Variants in CADPS observed in about 807,000 individuals in gnomAD.
CADPS encodes the protein calcium-dependent secretion activator 1.
CADPS carries 57 observed loss-of-function variants against 167.3 expected under a neutral mutation model. The observed-to-expected ratio is 0.34, with a 90% CI of 0.28 to 0.42. CADPS has a LOEUF of 0.42. Ranked by LOEUF, CADPS falls within the 20% of genes least tolerant of loss-of-function variation. CADPS has a pLI of 1.00. For synonymous variants in CADPS, 676 were observed against 635.3 expected (o/e 1.06, Z -0.96); for missense variants, 1,414 against 1,738.1 (o/e 0.81, Z 3.32).
intron 3 of CADPS, among the ~76,000 whole-genome samples, chr3:62,748,875 T>G (rs979634178): frequency 7.9e-5 from 12 of 152,208 alleles, no homozygotes; most frequent in African/African-American, 2.2e-4. Context: ...ACCCAGCTAG[T>G]TTTTAAATTT....
intron 26 of CADPS, among the ~76,000 whole-genome samples, chr3:62,457,132 G>A (rs79158673): frequency 0.01 from 1,585 of 152,242 alleles, 13 homozygotes; most frequent in Non-Finnish European, 0.016. Flanking sequence ...TTTGTGCTCA[G>A]TGATAGAACT....
intron 3 of CADPS, among the ~76,000 whole-genome samples, chr3:62,688,120 C>G (rs1396560040): frequency 1.3e-5 from 2 of 152,020 alleles, no homozygotes; most frequent in Non-Finnish European, 2.9e-5. Context: ...TCCATTGCAG[C>G]ACTACTAGCA....
At chr3:62,520,568 G>A (rs187668210) in intron 13 of CADPS, among the ~76,000 whole-genome samples, 273 of 152,196 alleles carry the variant, frequency 1.8e-3, no homozygotes, top group Middle Eastern at 6.8e-3. Flanking sequence ...CTATGTCAGC[G>A]CGACAACTTT....
chr3:62,689,933 C>T (rs906434800), intron 3 of CADPS, among the ~76,000 whole-genome samples: 1 of 151,920 alleles, frequency 6.6e-6, no homozygotes, highest in African/African-American at 2.4e-5. Flanking sequence ...GATCCCATGG[C>T]AAGTTCAGCA....
intron 1 of CADPS, among the ~76,000 whole-genome samples, chr3:62,855,035 A>G (rs113601479): frequency 0.024 from 3,464 of 146,632 alleles, 54 homozygotes; most frequent in East Asian, 0.071. Context: ...AGCAATTCCC[A>G]TGCCTCAGCC....
At position 62,528,315 on chromosome 3, in the gene CADPS, G is replaced by A. The variant is rs1420753591; in HGVS notation, c.2291+4556C>T. Among the ~76,000 whole-genome samples the A allele has an allele frequency of 3.9e-5, 6 of 152,272 alleles. No homozygotes were observed. The East Asian group carries it at 7.7e-4, about 20-fold the overall frequency. ...CAGGCAAGTGACTGAATTTATGCGA[G>A]CCTCAAGCACTCATCTATTGGGTGA... On this transcript the variant is annotated intron_variant, in intron 13 of 29. Transcript: ENST00000383710.
chr3:62,730,270 G>T (rs2077519720), intron 3 of CADPS, among the ~76,000 whole-genome samples: 1 of 152,160 alleles, frequency 6.6e-6, no homozygotes, highest in African/African-American at 2.4e-5. Flanking sequence ...TCCTGGGGAT[G>T]TGTGACAATG....
At chr3:62,631,415 C>T (rs1358619670) in intron 6 of CADPS, among the ~76,000 whole-genome samples, 2 of 152,146 alleles carry the variant, frequency 1.3e-5, no homozygotes, top group Non-Finnish European at 2.9e-5. Flanking sequence ...GTTACTAGTT[C>T]CTGTGAAAGA....
At chr3:62,651,899 T>G (rs1238360027) in intron 4 of CADPS, among the ~76,000 whole-genome samples, 1 of 152,142 alleles carries the variant, frequency 6.6e-6, no homozygotes, top group African/African-American at 2.4e-5. Context: ...TTTGACATTT[T>G]TATTTTTTTT....
intron 24 of CADPS, among the ~76,000 whole-genome samples, chr3:62,471,689 C>A: frequency 6.6e-6 from 1 of 152,092 alleles, no homozygotes; most frequent in Non-Finnish European, 1.5e-5. Context: ...GTTGTATCAA[C>A]CCTTCTGCAC....
At chr3:62,437,601 C>T (rs958141699) in intron 28 of CADPS, among the ~76,000 whole-genome samples, 1 of 152,016 alleles carries the variant, frequency 6.6e-6, no homozygotes, top group African/African-American at 2.4e-5. Flanking sequence ...TTTGCCAAAA[C>T]CCAGGGTAAG....
intron 17 of CADPS, among the ~76,000 whole-genome samples, chr3:62,506,359 G>C (rs1365290929): frequency 6.6e-6 from 1 of 152,178 alleles, no homozygotes; most frequent in African/African-American, 2.4e-5. Flanking sequence ...CTGCACTCCA[G>C]CCTGGGTGAC....
intron 8 of CADPS, among the ~76,000 whole-genome samples, chr3:62,571,441 CCTT>C (rs563644281): frequency 6.6e-6 from 1 of 152,244 alleles, no homozygotes; most frequent in South Asian, 2.1e-4. Flanking sequence ...CTTCCTTCCT[CCTT>C]CTCCAAAAGC....
At chr3:62,629,671 A>T (rs833669) in intron 6 of CADPS, among the ~76,000 whole-genome samples, 21,574 of 151,970 alleles carry the variant, frequency 0.14, 1,656 homozygotes, top group Middle Eastern at 0.22. Context: ...GAAATCAAAG[A>T]CCTTTCGTGT....
intron 20 of CADPS, among the ~76,000 whole-genome samples, chr3:62,491,730 T>C (rs529364738): frequency 6.6e-6 from 1 of 152,308 alleles, no homozygotes; most frequent in African/African-American, 2.4e-5. Context: ...GGAAAAACGA[T>C]CATGCTACTT....
At chr3:62,549,455 T>TC (rs1459484380) in intron 11 of CADPS, among the ~76,000 whole-genome samples, 1 of 151,084 alleles carries the variant, frequency 6.6e-6, no homozygotes, top group Non-Finnish European at 1.5e-5. Context: ...GTGTTTTTTT[T>TC]TTTTTTTTCG....
intron 3 of CADPS, among the ~76,000 whole-genome samples, chr3:62,724,766 T>TTGC (rs2152037806): frequency 6.6e-6 from 1 of 152,340 alleles, no homozygotes; most frequent in East Asian, 1.9e-4. Context: ...TATTTCTCTG[T>TTGC]TGCTCTCCAC....
At chr3:62,605,131 A>G (rs1326974055) in intron 6 of CADPS, among the ~76,000 whole-genome samples, 1 of 152,220 alleles carries the variant, frequency 6.6e-6, no homozygotes, top group Non-Finnish European at 1.5e-5. Flanking sequence ...AACCTACACT[A>G]CAGCCAGCTA....
rs1287158473 is a variant in CADPS, at chr3:62,611,092, A to G, written c.1326-18344T>C. On this transcript the variant is annotated intron_variant, in intron 6 of 29. Transcript: ENST00000383710. ...CAAAATGTCAGTAGCACTGAAGCTG[A>G]GAAATCCTGGTCAGCACTGACCACC... 2.6e-5 allele frequency among the ~76,000 whole-genome samples: 4 copies of G among 152,220 alleles called. No individual in the cohort carries two copies. The East Asian group carries it at 7.8e-4, about 30-fold the overall frequency.
Sources: gnomAD v4.1 joint callset for allele counts (sites outside exome capture counted in the v4.1 genomes callset) on GRCh38, gnomAD v4.1.1 for gene constraint, MANE v1.5 for transcripts, NCBI Gene and HGNC (gene_info 2026-07-23, HGNC 2026-07-21) for gene names.